The following ARVCF variants were observed in gnomAD, a reference collection of about 807,000 sequenced individuals.
The protein encoded by ARVCF is ARVCF delta catenin family member, also known as splicing regulator ARVCF.
ARVCF carries 66 observed loss-of-function variants against 90.9 expected under a neutral mutation model. The ratio of observed to expected loss-of-function variants is 0.73; its 90% confidence interval spans 0.60 to 0.89. ARVCF has a LOEUF of 0.89. ARVCF is among the 40% of genes least tolerant of loss of function. ARVCF has a pLI of 0.00. For synonymous variants in ARVCF, 653 were observed against 603.4 expected (o/e 1.08, Z -1.21); for missense variants, 1,469 against 1,382.3 (o/e 1.06, Z -1.00).
At chr22:20,016,250 G>A (rs760678085) in intron 1 of ARVCF, among the ~76,000 whole-genome samples, 6 of 152,308 alleles carry the variant, frequency 3.9e-5, no homozygotes, top group Non-Finnish European at 7.4e-5. Context: ...CGTCGCGCGG[G>A]GCGGGCACGG....
downstream of ARVCF, chr22:19,968,742 C>CA (rs765203563): frequency 3.1e-6 from 5 of 1,608,438 alleles, no homozygotes; most frequent in South Asian, 1.1e-5. Context: ...CCTGACTGCC[C>CA]CCCCGGCCCC....
In ARVCF at chr22:19,979,384, G is replaced by A. The variant is rs1423123137; in HGVS notation, c.1397-304C>T. 13 of 514,636 alleles carry A rather than the reference G, an allele frequency of 2.5e-5. No individual in the cohort carries two copies. The South Asian group carries it at 3.4e-4, about 14-fold the overall frequency. 31.9% of individuals were successfully genotyped at this position (514,636 alleles called of 1,614,324 possible). On this transcript the variant is annotated intron_variant, in intron 6 of 19. Coordinates refer to ENST00000263207, the MANE Select transcript of ARVCF (RefSeq NM_001670.3). ...CCACAGGGCCTCACAGAGACACGGT[G>A]ACCCTACCTGTCCCTCAGCTCTCAC...
intron 6 of ARVCF, chr22:19,979,282 G>A (rs1308945499): frequency 3.2e-6 from 2 of 619,490 alleles, no homozygotes; most frequent in East Asian, 5.7e-5. Flanking sequence ...GGGAGGAGGT[G>A]CAGAGGAGGG....
intron 3 of ARVCF, chr22:19,987,229 C>G (rs961811198): frequency 2.0e-5 from 5 of 248,258 alleles, no homozygotes; most frequent in Non-Finnish European, 3.8e-5. Flanking sequence ...GCGGCGGTCA[C>G]GGCGAGCAGC....
chr22:19,996,938 G>A (rs1426027335), intron 2 of ARVCF, among the ~76,000 whole-genome samples: 2 of 152,220 alleles, frequency 1.3e-5, no homozygotes, highest in Non-Finnish European at 2.9e-5. Context: ...CTGTCCACAT[G>A]CTCACTCAGT....
At chr22:19,973,084 C>T (rs767208265) in intron 14 of ARVCF, 35 bp downstream of exon 14, 20 of 1,594,110 alleles carry the variant, frequency 1.3e-5, no homozygotes, top group Admixed American at 3.4e-5. Flanking sequence ...CCCACCTCCG[C>T]GGCTCCCCAA....
At chr22:20,003,120 A>G (rs577717435) in intron 2 of ARVCF, among the ~76,000 whole-genome samples, 1 of 152,356 alleles carries the variant, frequency 6.6e-6, no homozygotes, top group African/African-American at 2.4e-5. Flanking sequence ...AAATTAGATA[A>G]CCCAGATGAA....
chr22:20,000,676 T>G (rs1944413027), intron 2 of ARVCF, among the ~76,000 whole-genome samples: 1 of 152,232 alleles, frequency 6.6e-6, no homozygotes, highest in South Asian at 2.1e-4. Context: ...AAATTCACAT[T>G]AAAACCTAAT....
intron 3 of ARVCF, among the ~76,000 whole-genome samples, chr22:19,988,286 C>T (rs1033526863): frequency 1.6e-4 from 25 of 152,238 alleles, no homozygotes; most frequent in Admixed American, 6.5e-5. Context: ...ACTGGCTGGA[C>T]CCCTGTATCT....
In ARVCF at chr22:20,003,437, G is replaced by C. The variant is rs117719701; in HGVS notation, c.-19+7018C>G. 2.2e-4 allele frequency among the ~76,000 whole-genome samples: 33 copies of C among 152,176 alleles called. No homozygotes were observed. The East Asian group carries it at 6.4e-3, about 29-fold the overall frequency. On this transcript the variant is annotated intron_variant, in intron 2 of 19. Coordinates refer to ENST00000263207, the MANE Select transcript of ARVCF (RefSeq NM_001670.3). ...AAAACCACAGGCCAATAACCCTTATGAATACTGAAACAAAAATTCTCAAAA... is the reference window on the plus strand; with the variant it reads ...AAAACCACAGGCCAATAACCCTTATCAATACTGAAACAAAAATTCTCAAAA...
At chr22:19,967,371 T>C (rs764098677), downstream of ARVCF, 2 of 499,598 alleles carry the variant, frequency 4.0e-6, 1 homozygote, top group South Asian at 3.1e-5. Context: ...TTCTACGTCT[T>C]TTCAGCTGAC....
intron 2 of ARVCF, among the ~76,000 whole-genome samples, chr22:20,005,861 C>T (rs892927774): frequency 3.3e-5 from 5 of 151,438 alleles, no homozygotes; most frequent in Non-Finnish European, 7.4e-5. Flanking sequence ...ATATTCACAG[C>T]AGCATTATTC....
intron 13 of ARVCF, 70 bp from the exon 14 acceptor site, chr22:19,973,387 G>A (rs540490780): frequency 2.0e-6 from 3 of 1,495,174 alleles, no homozygotes; most frequent in Admixed American, 2.0e-5. Context: ...GGGATCCCGC[G>A]AGGGCGAGGG....
At chr22:20,005,663 CA>C (rs1199602109) in intron 2 of ARVCF, among the ~76,000 whole-genome samples, 1 of 151,832 alleles carries the variant, frequency 6.6e-6, no homozygotes, top group Non-Finnish European at 1.5e-5. Context: ...ACTAAAAACA[CA>C]AAAAAATTAG....
intron 7 of ARVCF, among the ~76,000 whole-genome samples, chr22:19,978,655 C>A (rs187540771): frequency 6.6e-6 from 1 of 152,110 alleles, no homozygotes; most frequent in East Asian, 1.9e-4. Flanking sequence ...TAGGTGAGAG[C>A]TGGGCAGGGC....
Position 19,981,751 on chromosome 22 carries a change from A to T in ARVCF, c.370-14T>A. On this transcript the variant is annotated splice_polypyrimidine_tract_variant and intron_variant, in intron 4 of 19. Transcript: ENST00000263207. Reference sequence around the variant, plus strand: ...AGTCTTGGTGACCTGGTGGATGGATAGGCAGGTAGGTGGGGTAGCACGAGA... The same window carrying T: ...AGTCTTGGTGACCTGGTGGATGGATTGGCAGGTAGGTGGGGTAGCACGAGA... 6.4e-7 allele frequency: 1 copy of T among 1,556,160 alleles called. No individual in the cohort carries two copies. The highest frequency in any genetic ancestry group is 1.4e-5 in the African/African-American group (1 of 73,514).
intron 13 of ARVCF, 64 bp downstream of exon 13, chr22:19,973,579 G>T: frequency 6.4e-7 from 1 of 1,552,130 alleles, no homozygotes. Flanking sequence ...AAGCCCCTCC[G>T]ATGGGACCCC....
At chr22:19,971,992 G>A in intron 17 of ARVCF, 21 bp from the exon 18 acceptor site, 1 of 1,587,502 alleles carries the variant, frequency 6.3e-7, no homozygotes, top group African/African-American at 1.3e-5. Context: ...GGTAAGGTGG[G>A]GCATGAGGGG....
At chr22:19,999,883 C>G (rs2238793) in intron 2 of ARVCF, among the ~76,000 whole-genome samples, 65,539 of 151,928 alleles carry the variant, frequency 0.43, 14,448 homozygotes, top group Non-Finnish European at 0.49. Flanking sequence ...GCAAGCCCCA[C>G]TGCCTCCTCC....
Sources: allele counts gnomAD v4.1 joint callset (sites outside exome capture counted in the v4.1 genomes callset), GRCh38; gene constraint gnomAD v4.1.1; transcripts MANE v1.5; gene names NCBI Gene and HGNC (gene_info 2026-07-23, HGNC 2026-07-21).